Variants in ITPR1 observed in about 807,000 individuals in gnomAD.
ITPR1 encodes inositol 1,4,5-trisphosphate receptor type 1.
A neutral mutation model predicts 318.4 loss-of-function variants in ITPR1; 96 were observed. The observed-to-expected ratio is 0.30, with a 90% CI of 0.26 to 0.36. The LOEUF (loss-of-function observed/expected upper bound fraction) is 0.36. ITPR1 is among the 10% of genes least tolerant of loss of function. The pLI is 1.00. For synonymous variants in ITPR1, 1,312 were observed against 1,289.9 expected, an observed-to-expected ratio of 1.02 and a Z score of -0.37; for missense variants, 2,440 against 3,460.2, an observed-to-expected ratio of 0.71 and a Z score of 7.40.
At chr3:4,610,311 C>G (rs961651117) in intron 4 of ITPR1, among the ~76,000 whole-genome samples, 2 of 152,256 alleles carry the variant, frequency 1.3e-5, no homozygotes, top group Middle Eastern at 3.4e-3. Flanking sequence ...ACTCGGGGAC[C>G]AGGTTTTATT....
At chr3:4,745,719 C>A (rs1290743245) in intron 44 of ITPR1, among the ~76,000 whole-genome samples, 1 of 152,200 alleles carries the variant, frequency 6.6e-6, no homozygotes, top group Non-Finnish European at 1.5e-5. Context: ...CTCGGTCCCA[C>A]CTCTCTGCCG....
intron 2 of ITPR1, among the ~76,000 whole-genome samples, chr3:4,505,148 C>A (rs936180382): frequency 2.0e-5 from 3 of 152,192 alleles, no homozygotes. Context: ...TGAGCAAAAG[C>A]CCTGTGTGTA....
intron 4 of ITPR1, among the ~76,000 whole-genome samples, chr3:4,622,693 G>T (rs2092688325): frequency 2.0e-5 from 3 of 152,182 alleles, no homozygotes; most frequent in African/African-American, 7.2e-5. Context: ...GCTTACAGGT[G>T]TGAGCCACCG....
At chr3:4,842,678 A>C (rs566793765) in intron 61 of ITPR1, among the ~76,000 whole-genome samples, 1 of 152,298 alleles carries the variant, frequency 6.6e-6, no homozygotes, top group South Asian at 2.1e-4. Flanking sequence ...TTTTAAATGT[A>C]CTATAAATGA....
intron 2 of ITPR1, 90 bp from the exon 3 acceptor site, chr3:4,516,386 A>G: frequency 1.5e-6 from 1 of 671,870 alleles, no homozygotes; most frequent in South Asian, 2.3e-5. Context: ...GGCGCTTTGG[A>G]AAATTGAGCT....
At chr3:4,771,710 T>C (rs1309694645) in intron 46 of ITPR1, among the ~76,000 whole-genome samples, 3 of 152,134 alleles carry the variant, frequency 2.0e-5, no homozygotes, top group African/African-American at 7.2e-5. Flanking sequence ...CTGTGGGGTG[T>C]TGGGGTGTAT....
In ITPR1 at chr3:4,806,165, C is replaced by G; in HGVS notation, c.7170C>G (p.Gly2390=). The change falls in exon 55 of 62, where the codon GGC becomes GGG. Residue 2390 remains glycine (G), a synonymous_variant. Transcript: ENST00000649015. ...FVGNCGTFTR[G]YRAMVLDVEF... is the part of the protein sequence containing the mutation. ...GCAACTGTGGGACATTCACAAGAGGCTACCGAGCCATGGTTCTGGATGTTG... is the reference window on the plus strand; with the variant it reads ...GCAACTGTGGGACATTCACAAGAGGGTACCGAGCCATGGTTCTGGATGTTG... The G allele has an allele frequency of 6.2e-7, 1 of 1,613,702 alleles. No homozygotes were observed. Among genetic ancestry groups the G allele is most frequent in the Non-Finnish European group, 8.5e-7 (1 of 1,179,618 alleles).
chr3:4,605,130 C>G (rs1476226739), intron 4 of ITPR1, among the ~76,000 whole-genome samples: 1 of 152,132 alleles, frequency 6.6e-6, no homozygotes, highest in African/African-American at 2.4e-5. Context: ...CGCCACCATG[C>G]CTAGCTAATG....
At position 4,789,613 on chromosome 3, in the gene ITPR1, G is replaced by GT. The variant is rs544754711; in HGVS notation, c.6808+1479dup. On this transcript the variant is annotated intron_variant, in intron 52 of 61. Transcript: ENST00000649015. ...CCTGAGGTGTTTTGTTTTTGTTTTT[G>GT]TTTTTGTTTTTGTTTTTGTTTTTTG... 2.4e-3 allele frequency among the ~76,000 whole-genome samples: 360 copies of GT among 151,592 alleles called. 1 individual carries two copies. The highest frequency in any genetic ancestry group is 8.4e-3 in the African/African-American group (348 of 41,336).
chr3:4,726,847 T>C lies in ITPR1; in HGVS notation c.5173-279T>C, dbSNP rs374892164. 1.3e-3 allele frequency among the ~76,000 whole-genome samples: 196 copies of C among 152,332 alleles called. 5 individuals carry two copies. In the South Asian group the frequency reaches 0.037, roughly 29 times the overall value. On this transcript the variant is annotated intron_variant, in intron 41 of 61. Transcript: ENST00000649015. ...TCACAGCATATAATATAGAACTTCT[T>C]TTTCATGATCTTTGCAATAAATTAT...
chr3:4,840,524 C>T (rs1044919383), intron 61 of ITPR1, among the ~76,000 whole-genome samples: 1 of 152,020 alleles, frequency 6.6e-6, no homozygotes, highest in Non-Finnish European at 1.5e-5. Flanking sequence ...ACTCGAGCAA[C>T]GATAGCTTAA....
At chr3:4,557,581 T>G (rs1257871417) in intron 4 of ITPR1, among the ~76,000 whole-genome samples, 3 of 152,310 alleles carry the variant, frequency 2.0e-5, no homozygotes. Flanking sequence ...TGATGAAATA[T>G]TTTGGCTAAA....
chr3:4,500,748 T>C (rs2080958133), intron 2 of ITPR1, among the ~76,000 whole-genome samples: 1 of 152,240 alleles, frequency 6.6e-6, no homozygotes, highest in Admixed American at 6.5e-5. Context: ...ATCATTGTTC[T>C]CCCCAGATGA....
chr3:4,748,986 G>A (rs148505770), intron 44 of ITPR1, among the ~76,000 whole-genome samples: 1 of 152,240 alleles, frequency 6.6e-6, no homozygotes, highest in African/African-American at 2.4e-5. Context: ...CACAAGGCTA[G>A]TGGGGTTTGG....
At chr3:4,813,854 T>A (rs2049100845) in intron 57 of ITPR1, among the ~76,000 whole-genome samples, 1 of 152,130 alleles carries the variant, frequency 6.6e-6, no homozygotes, top group African/African-American at 2.4e-5. Flanking sequence ...TGTTGGAAGA[T>A]GAGTGATGAA....
At chr3:4,547,432 G>A (rs1395018112) in intron 4 of ITPR1, among the ~76,000 whole-genome samples, 2 of 152,154 alleles carry the variant, frequency 1.3e-5, no homozygotes, top group Non-Finnish European at 2.9e-5. Flanking sequence ...CTGCTCCTGG[G>A]CCTCCTACTT....
chr3:4,792,261 C>T (rs116279015), intron 52 of ITPR1, among the ~76,000 whole-genome samples: 1 of 152,188 alleles, frequency 6.6e-6, no homozygotes, highest in Non-Finnish European at 1.5e-5. Context: ...CTGCAAAGCC[C>T]CTTTTGCTAG....
At chr3:4,671,221 T>TGG (rs1173838895) in intron 20 of ITPR1, among the ~76,000 whole-genome samples, 1 of 152,162 alleles carries the variant, frequency 6.6e-6, no homozygotes, top group Non-Finnish European at 1.5e-5. Flanking sequence ...AGGCAGGCTG[T>TGG]GGGGTCACAT....
chr3:4,705,003 T>C (rs891511810), intron 36 of ITPR1, among the ~76,000 whole-genome samples: 1 of 152,168 alleles, frequency 6.6e-6, no homozygotes, highest in African/African-American at 2.4e-5. Flanking sequence ...TTGGCTGGCT[T>C]ATAGTTTTTT....
Sources: allele counts gnomAD v4.1 joint callset (sites outside exome capture counted in the v4.1 genomes callset), GRCh38; gene constraint gnomAD v4.1.1; transcripts MANE v1.5; gene names NCBI Gene and HGNC (gene_info 2026-07-23, HGNC 2026-07-21).